Variants in CRACR2A observed in about 807,000 individuals in gnomAD.
CRACR2A encodes EF-hand calcium-binding domain-containing protein 4B.
CRACR2A carries 79 observed loss-of-function variants against 90.5 expected under a neutral mutation model. The ratio of observed to expected loss-of-function variants is 0.87; its 90% CI spans 0.73 to 1.05. The LOEUF (loss-of-function observed/expected upper bound fraction) is 1.05, where lower values mean the gene tolerates loss of function less well. CRACR2A is among the 50% of genes least tolerant of loss of function. The pLI, the probability that CRACR2A is intolerant of heterozygous loss-of-function variation, is 0.00. For synonymous variants in CRACR2A, 338 were observed against 356.7 expected (o/e 0.95, Z 0.59); for missense variants, 823 against 897.2 (o/e 0.92, Z 1.06).
rs1242082710 is a variant in CRACR2A at position 3,746,698 on chromosome 12, T to C, written c.-387+6317A>G. 6.6e-6 allele frequency among the ~76,000 whole-genome samples: 1 copy of C among 152,244 alleles called. No homozygotes were observed. The stretch of plus-strand genomic sequence containing the variant: ...CCAGACCCCCTGCAGGACCCTTTGC[T>C]GGCACAGCAGGGACTTAGCATGCAT... On this transcript the variant is annotated intron_variant, in intron 1 of 19. Transcript: ENST00000440314. The surrounding 1 kb of genome is among the most constrained non-coding windows in gnomAD (Gnocchi z 4.4).
intron 1 of CRACR2A, among the ~76,000 whole-genome samples, chr12:3,752,175 C>A (rs1946716162): frequency 6.6e-6 from 1 of 152,308 alleles, no homozygotes; most frequent in East Asian, 1.9e-4. Context: ...AGAACGAATT[C>A]CTTTGAGACT....
chr12:3,710,323 T>G (rs982171961), intron 3 of CRACR2A, among the ~76,000 whole-genome samples: 1 of 152,194 alleles, frequency 6.6e-6, no homozygotes, highest in African/African-American at 2.4e-5. Context: ...TCTCACTCTA[T>G]TCCAGCTAAT....
At chr12:3,653,339 T>G (rs527784803) in intron 10 of CRACR2A, among the ~76,000 whole-genome samples, 1 of 152,198 alleles carries the variant, frequency 6.6e-6, no homozygotes, top group Non-Finnish European at 1.5e-5. Context: ...GTGAGATATA[T>G]TGAATGCCCA....
intron 18 of CRACR2A, among the ~76,000 whole-genome samples, chr12:3,619,054 C>T (rs1274806560): frequency 6.6e-6 from 1 of 152,158 alleles, no homozygotes; most frequent in Non-Finnish European, 1.5e-5. Flanking sequence ...CCCTAGTGGT[C>T]CCTAACCAAC....
intron 1 of CRACR2A, among the ~76,000 whole-genome samples, chr12:3,740,704 C>T (rs1946511373): frequency 6.6e-6 from 1 of 152,160 alleles, no homozygotes; most frequent in Admixed American, 6.5e-5. Flanking sequence ...ACAGAGAGAT[C>T]ATCTCCGTGT....
chr12:3,678,740 C>T (rs999174537), intron 6 of CRACR2A, among the ~76,000 whole-genome samples, 175 bp downstream of exon 6: 2 of 150,190 alleles, frequency 1.3e-5, no homozygotes, highest in Non-Finnish European at 3.0e-5. Context: ...CAACACACAG[C>T]CAGGTCATCA....
At position 3,713,273 on chromosome 12, in the gene CRACR2A, T is replaced by C; in HGVS notation, c.-73A>G. 1.0e-6 allele frequency: 1 copy of C among 985,380 alleles called. No individual in the cohort carries two copies. The highest frequency in any genetic ancestry group is 1.7e-5 in the African/African-American group (1 of 57,322). 61.0% of individuals were successfully genotyped at this position (985,380 alleles called of 1,614,324 possible). On this transcript the variant is annotated 5_prime_UTR_variant, in exon 3 of 20. Transcript: ENST00000440314. ...CGGCTCCTCGGAGGACCTGCAACTC[T>C]TCACACCTGGAGGGTACTTTGGCCA...
At chr12:3,703,855 A>G (rs1477578024) in intron 3 of CRACR2A, among the ~76,000 whole-genome samples, 1 of 152,226 alleles carries the variant, frequency 6.6e-6, no homozygotes, top group African/African-American at 2.4e-5. Context: ...AGAGACATGC[A>G]ACTGAAAACC....
At chr12:3,709,585 C>A (rs903288360) in intron 3 of CRACR2A, among the ~76,000 whole-genome samples, 1 of 152,206 alleles carries the variant, frequency 6.6e-6, no homozygotes, top group Non-Finnish European at 1.5e-5. Flanking sequence ...CACAACCAGC[C>A]TGGCCAACAT....
rs374515541 is a variant in CRACR2A at position 3,648,565 on chromosome 12, G to A, written c.1095C>T (p.Leu365=). 275 of 1,614,072 alleles carry A rather than the reference G, an allele frequency of 1.7e-4. No individual in the cohort carries two copies. Among genetic ancestry groups the A allele is most frequent in the Admixed American group, 1.1e-3 (68 of 60,012 alleles). Residue 365 remains leucine, a synonymous_variant, in exon 11 of 20, where the codon CTC becomes CTT. Transcript: ENST00000440314. ...ACCTTAGGAAATCCAGCTGCTTGAG[G>A]AGCCCGGCCTTCTCACGCTGTAGAC... ...TESLQREKAG[L]LKQLDFLRER... is the part of the protein sequence containing the mutation.
At chr12:3,686,088 T>C (rs967112902) in intron 4 of CRACR2A, among the ~76,000 whole-genome samples, 2 of 152,226 alleles carry the variant, frequency 1.3e-5, no homozygotes, top group Non-Finnish European at 2.9e-5. Context: ...GCTGAGAAAC[T>C]GTAGCCTAGA....
chr12:3,641,923 G>C lies in CRACR2A; in HGVS notation c.1165-85C>G, dbSNP rs1944579523. On this transcript the variant is annotated intron_variant, in intron 12 of 19. Transcript: ENST00000440314. Reference sequence around the variant, plus strand: ...AAGGGCTCATGGTTCCCACCTCATAGACTAGGCTCTACACAAAACTCTGAA... The same window carrying C: ...AAGGGCTCATGGTTCCCACCTCATACACTAGGCTCTACACAAAACTCTGAA... The C allele has an allele frequency of 2.5e-6, 3 of 1,193,596 alleles. No homozygotes were observed. The South Asian group carries it at 4.0e-5, about 16-fold the overall frequency. The allele number at this position is 1,193,596 out of a possible 1,614,324, so 73.9% of individuals were successfully genotyped here.
intron 1 of CRACR2A, among the ~76,000 whole-genome samples, chr12:3,745,825 T>TAAAATAAAATAAAATAAAATAAAA (rs149739964): frequency 1.0e-5 from 1 of 100,486 alleles, no homozygotes; most frequent in African/African-American, 4.0e-5. Flanking sequence ...TAAAATAAAA[T>TAAAATAAAATAAAATAAAATAAAA]AAAGAAAGAA....
intron 3 of CRACR2A, among the ~76,000 whole-genome samples, chr12:3,701,091 C>T (rs905606096): frequency 6.6e-6 from 1 of 151,060 alleles, no homozygotes; most frequent in Non-Finnish European, 1.5e-5. Context: ...AAGACAGTAA[C>T]ACACTTCTAA....
intron 2 of CRACR2A, chr12:3,730,518 GT>G (rs1342414165): frequency 1.3e-5 from 2 of 152,190 alleles, no homozygotes; most frequent in Non-Finnish European, 2.9e-5. Flanking sequence ...TCCGTGCAGT[GT>G]TTCTTGTAAT....
chr12:3,752,132 C>T (rs1051413548), intron 1 of CRACR2A, among the ~76,000 whole-genome samples: 3 of 152,214 alleles, frequency 2.0e-5, no homozygotes, highest in African/African-American at 4.8e-5. Context: ...GGGACTCCCA[C>T]GGATTGGCTC....
At chr12:3,739,198 T>C (rs1217067586) in intron 1 of CRACR2A, among the ~76,000 whole-genome samples, 1 of 152,206 alleles carries the variant, frequency 6.6e-6, no homozygotes, top group Non-Finnish European at 1.5e-5. Context: ...CAGTGTGTTG[T>C]TGAAAAAGTT....
chr12:3,649,033 G>A (rs868826389), intron 10 of CRACR2A, among the ~76,000 whole-genome samples: 23 of 151,728 alleles, frequency 1.5e-4, no homozygotes, highest in South Asian at 6.3e-4. Flanking sequence ...ATTGAACAAT[G>A]AGAACACGGA....
chr12:3,739,283 T>C (rs1037288364), intron 1 of CRACR2A, among the ~76,000 whole-genome samples: 6 of 152,236 alleles, frequency 3.9e-5, no homozygotes. Context: ...TTCAATCAAA[T>C]TACTTAATCT....
Sources: allele counts gnomAD v4.1 joint callset (sites outside exome capture counted in the v4.1 genomes callset), GRCh38; gene constraint gnomAD v4.1.1; non-coding constraint Gnocchi (gnomAD v3.1); transcripts MANE v1.5; gene names NCBI Gene and HGNC (gene_info 2026-07-23, HGNC 2026-07-21).